The following ZNF678 variants were observed in gnomAD, a reference collection of about 807,000 sequenced individuals.
ZNF678 encodes the protein hypothetical protein MGC42493.
A neutral mutation model predicts 3.0 loss-of-function variants in ZNF678; 5 were observed. That is an observed-to-expected ratio of 1.69 (90% CI 0.88 to 3.56). The LOEUF (loss-of-function observed/expected upper bound fraction) is 3.56. Among genes scored for constraint, ZNF678 ranks in the 30% most tolerant of loss-of-function variants. ZNF678 has a pLI of 0.00. For synonymous variants in ZNF678, 218 were observed against 199.6 expected, an observed-to-expected ratio of 1.09 and a Z score of -0.78; for missense variants, 593 against 605.0, an observed-to-expected ratio of 0.98 and a Z score of 0.21.
At chr1:227,637,627 G>A (rs1020713916) in intron 1 of ZNF678, among the ~76,000 whole-genome samples, 3 of 152,098 alleles carry the variant, frequency 2.0e-5, no homozygotes, top group Admixed American at 6.5e-5. Context: ...GAGGACGGGG[G>A]CCTGAAATGA....
chr1:227,655,614 A>G lies in ZNF678; in HGVS notation c.1364A>G (p.His455Arg). The G allele has an allele frequency of 6.2e-7, 1 of 1,612,544 alleles. No individual in the cohort carries two copies. Reference protein sequence around the residue: ...SSILSKHKRIHTEEKPYKCEE... With the variant: ...SSILSKHKRIRTEEKPYKCEE... ...ATCCTTAGTAAGCATAAGAGAATTC[A>G]TACTGAAGAGAAACCCTACAAATGT... Residue 455 changes from histidine to arginine, a missense_variant, in exon 4 of 4, where the codon CAT (histidine) becomes CGT (arginine). Physicochemically the swap from His to Arg is conservative, Grantham distance 29 (BLOSUM62 0). Coordinates refer to ENST00000343776, the MANE Select transcript of ZNF678 (RefSeq NM_001367909.1).
intron 1 of ZNF678, among the ~76,000 whole-genome samples, chr1:227,634,583 T>C (rs10916183): frequency 0.48 from 73,049 of 152,000 alleles, 18,720 homozygotes; most frequent in African/African-American, 0.66. Context: ...ATGGAAGTAC[T>C]CTCCATGGTC....
At chr1:227,644,298 A>G (rs1246482071) in intron 1 of ZNF678, among the ~76,000 whole-genome samples, 1 of 152,240 alleles carries the variant, frequency 6.6e-6, no homozygotes, top group Admixed American at 6.5e-5. Flanking sequence ...ATTAACTCAC[A>G]TAATGTGAGG....
Position 227,655,993 on chromosome 1 carries a change from G to C in ZNF678, c.*165G>C, listed in dbSNP as rs927137551. 4 of 515,156 alleles carry C rather than the reference G, an allele frequency of 7.8e-6. No homozygotes were observed. The highest frequency in any genetic ancestry group is 7.7e-5 in the Admixed American group (2 of 25,976). The allele number at this position is 515,156 out of a possible 1,614,324, so 31.9% of individuals were successfully genotyped here. A position where few individuals can be genotyped will look rare whatever the true frequency, so the allele number is the denominator to read the frequency against. On this transcript the variant is annotated 3_prime_UTR_variant, in exon 4 of 4. Transcript: ENST00000343776. ...AAGATTACAATATCTTTATTTCAAAGATCTTCCTGTAAACAGAATCTGTAC... is the reference window on the plus strand; with the variant it reads ...AAGATTACAATATCTTTATTTCAAACATCTTCCTGTAAACAGAATCTGTAC...
At chr1:227,603,361 G>A (rs1482340445) in intron 1 of ZNF678, among the ~76,000 whole-genome samples, 1 of 152,162 alleles carries the variant, frequency 6.6e-6, no homozygotes, top group African/African-American at 2.4e-5. Context: ...TTTGTATGGG[G>A]TACTCAGATG....
At chr1:227,602,873 G>A (rs1210270199) in intron 1 of ZNF678, among the ~76,000 whole-genome samples, 2 of 152,210 alleles carry the variant, frequency 1.3e-5, no homozygotes, top group East Asian at 1.9e-4. Flanking sequence ...GCATGTACCT[G>A]TAATTCCAGC....
chr1:227,617,641 C>T (rs1658173639), intron 1 of ZNF678, among the ~76,000 whole-genome samples: 1 of 152,118 alleles, frequency 6.6e-6, no homozygotes, highest in South Asian at 2.1e-4. Context: ...GTAGAAATGG[C>T]CATACATACT....
intron 1 of ZNF678, among the ~76,000 whole-genome samples, chr1:227,581,548 T>C (rs1657129688): frequency 6.6e-6 from 1 of 152,238 alleles, no homozygotes; most frequent in Non-Finnish European, 1.5e-5. Context: ...CTCTTTATGA[T>C]TGGCTTCGTT....
chr1:227,610,090 A>G (rs1657978945), intron 1 of ZNF678, among the ~76,000 whole-genome samples: 1 of 152,182 alleles, frequency 6.6e-6, no homozygotes, highest in Non-Finnish European at 1.5e-5. Flanking sequence ...ACACAAAGTA[A>G]CATACAGAGT....
At chr1:227,673,223 A>G (rs1030022662) in intron 5 of ZNF678, among the ~76,000 whole-genome samples, 1 of 152,164 alleles carries the variant, frequency 6.6e-6, no homozygotes, top group Non-Finnish European at 1.5e-5. Context: ...CAACAATCCC[A>G]TAATTTTTCA....
intron 1 of ZNF678, among the ~76,000 whole-genome samples, chr1:227,597,826 T>G (rs6656746): frequency 6.6e-6 from 1 of 152,214 alleles, no homozygotes; most frequent in African/African-American, 2.4e-5. Context: ...AGACTGCTGG[T>G]ACCCAGCTCT....
intron 1 of ZNF678, among the ~76,000 whole-genome samples, chr1:227,635,488 G>T (rs1294924352): frequency 1.3e-5 from 2 of 150,082 alleles, no homozygotes; most frequent in Admixed American, 1.3e-4. Context: ...GACCTCCCCA[G>T]TTACCAGGTG....
At chr1:227,612,743 C>T (rs1658050939) in intron 1 of ZNF678, among the ~76,000 whole-genome samples, 1 of 152,182 alleles carries the variant, frequency 6.6e-6, no homozygotes, top group African/African-American at 2.4e-5. Context: ...TTGTCTCTTA[C>T]TGTCTTTTGG....
intron 1 of ZNF678, among the ~76,000 whole-genome samples, chr1:227,646,179 A>G (rs1430478758): frequency 3.9e-5 from 6 of 152,188 alleles, no homozygotes; most frequent in African/African-American, 1.4e-4. Context: ...CAGATTTCCA[A>G]TTTCTTGTTG....
At chr1:227,612,009 G>A (rs887551547) in intron 1 of ZNF678, among the ~76,000 whole-genome samples, 2 of 152,120 alleles carry the variant, frequency 1.3e-5, no homozygotes, top group Admixed American at 6.6e-5. Context: ...CCTCCAGCAT[G>A]CCAGAAGATG....
At chr1:227,632,884 C>G (rs1658583120) in intron 1 of ZNF678, among the ~76,000 whole-genome samples, 2 of 152,170 alleles carry the variant, frequency 1.3e-5, no homozygotes, top group African/African-American at 2.4e-5. Flanking sequence ...GTTCTCTGAC[C>G]TGGGGTTCTT....
intron 1 of ZNF678, among the ~76,000 whole-genome samples, 189 bp downstream of exon 1, chr1:227,563,913 G>T (rs916222438): frequency 7.9e-5 from 12 of 152,238 alleles, no homozygotes; most frequent in Non-Finnish European, 1.5e-4. Flanking sequence ...TCTCTGGGCG[G>T]CTATGAAGCC....
In ZNF678 at chr1:227,630,002, T is replaced by C. The variant is rs142381090; in HGVS notation, c.-163-16542T>C. Among the ~76,000 whole-genome samples, 588 of 152,114 alleles carry C rather than the reference T, an allele frequency of 3.9e-3. 5 individuals are homozygous for C. Among genetic ancestry groups the C allele is most frequent in the African/African-American group, 0.014 (572 of 41,498 alleles). On this transcript the variant is annotated intron_variant, in intron 1 of 3. Transcript: ENST00000343776. ...ACCTTTTTTCTCCTGATCTCTATTA[T>C]AAAAAACTGAGTTTGCCAAGTTCAC... is the stretch of plus-strand genomic sequence containing the variant.
intron 3 of ZNF678, 112 bp downstream of exon 3, chr1:227,651,188 C>T (rs560540511): frequency 2.9e-5 from 36 of 1,233,440 alleles, no homozygotes; most frequent in Non-Finnish European, 3.8e-5. Context: ...ACAATGGGGT[C>T]TGTCTTTGGT....
Sources: allele counts gnomAD v4.1 joint callset (sites outside exome capture counted in the v4.1 genomes callset), GRCh38; gene constraint gnomAD v4.1.1; transcripts MANE v1.5; gene names NCBI Gene and HGNC (gene_info 2026-07-23, HGNC 2026-07-21).